The following RIMS1 variants were observed in gnomAD, a reference collection of about 807,000 sequenced individuals.
The protein encoded by RIMS1 is regulating synaptic membrane exocytosis protein 1.
Under a neutral mutation model 214.1 loss-of-function variants are expected in RIMS1, and 83 were observed. The ratio of observed to expected loss-of-function variants is 0.39; its 90% CI spans 0.32 to 0.47. The LOEUF (loss-of-function observed/expected upper bound fraction) is 0.47. Among genes scored for constraint, RIMS1 ranks in the 20% least tolerant of loss-of-function variants. The probability of loss-of-function intolerance (pLI) is 0.99; values close to 1 mark genes in which losing one functional copy is unlikely to be tolerated. For missense variants in RIMS1, 2,050 were observed against 2,161.8 expected, an observed-to-expected ratio of 0.95 and a Z score of 1.03; for synonymous variants, 793 against 786.8, an observed-to-expected ratio of 1.01 and a Z score of -0.13.
At chr6:72,110,483 T>C (rs548468166) in intron 4 of RIMS1, among the ~76,000 whole-genome samples, 23 of 150,152 alleles carry the variant, frequency 1.5e-4, no homozygotes, top group Admixed American at 1.0e-3. Flanking sequence ...GGGAGTTCAC[T>C]CATGATTTGG....
intron 23 of RIMS1, among the ~76,000 whole-genome samples, chr6:72,279,545 A>G (rs2088898087): frequency 6.6e-6 from 1 of 152,062 alleles, no homozygotes; most frequent in Non-Finnish European, 1.5e-5. Flanking sequence ...AACCAAGTAA[A>G]TATTCTTTAT....
At chr6:72,075,621 A>C (rs1437501403) in intron 2 of RIMS1, among the ~76,000 whole-genome samples, 1 of 152,224 alleles carries the variant, frequency 6.6e-6, no homozygotes, top group East Asian at 1.9e-4. Context: ...GAAGTTAAAA[A>C]AAATTATTTA....
chr6:72,210,730 G>C (rs887012263), intron 6 of RIMS1, among the ~76,000 whole-genome samples: 1 of 152,162 alleles, frequency 6.6e-6, no homozygotes, highest in African/African-American at 2.4e-5. Context: ...CCACTGACTT[G>C]ATATGTCATT....
chr6:71,909,032 C>T (rs1776127859), intron 1 of RIMS1, among the ~76,000 whole-genome samples: 1 of 152,146 alleles, frequency 6.6e-6, no homozygotes, highest in African/African-American at 2.4e-5. Flanking sequence ...CTTTGTTGCT[C>T]AGGCTGGAGT....
intron 1 of RIMS1, among the ~76,000 whole-genome samples, chr6:71,944,408 G>A (rs1787139781): frequency 6.6e-6 from 1 of 152,168 alleles, no homozygotes. Context: ...GGGAGTGGAG[G>A]ACAAGCCGGC....
chr6:72,052,994 A>C (rs1825141708), intron 2 of RIMS1, among the ~76,000 whole-genome samples: 2 of 152,154 alleles, frequency 1.3e-5, no homozygotes, highest in African/African-American at 4.8e-5. Flanking sequence ...TAACCCATTT[A>C]CTAGCTGGAG....
At chr6:72,176,483 C>A (rs2047726895) in intron 4 of RIMS1, among the ~76,000 whole-genome samples, 1 of 151,922 alleles carries the variant, frequency 6.6e-6, no homozygotes, top group African/African-American at 2.4e-5. Context: ...CTTATATGAG[C>A]AATTTATTTT....
chr6:71,969,088 A>T, intron 2 of RIMS1, 25 bp downstream of exon 2: 1 of 1,604,852 alleles, frequency 6.2e-7, no homozygotes, highest in Non-Finnish European at 8.5e-7. Flanking sequence ...GGTTTTATTG[A>T]CTGAAAATGT....
intron 29 of RIMS1, among the ~76,000 whole-genome samples, chr6:72,372,706 A>C (rs1237619417): frequency 6.6e-6 from 1 of 152,230 alleles, no homozygotes; most frequent in Non-Finnish European, 1.5e-5. Flanking sequence ...GGAAAGAACT[A>C]AAAGTGGTTT....
chr6:72,148,007 A>G (rs954074507), intron 4 of RIMS1, among the ~76,000 whole-genome samples: 1 of 152,202 alleles, frequency 6.6e-6, no homozygotes. Flanking sequence ...TGATGGGGAA[A>G]CAGACAAAGA....
chr6:72,120,171 T>G (rs974211094), intron 4 of RIMS1, among the ~76,000 whole-genome samples: 2 of 151,886 alleles, frequency 1.3e-5, no homozygotes, highest in African/African-American at 2.4e-5. Flanking sequence ...ATATACCCAG[T>G]AATGGGATGG....
chr6:72,146,204 A>G (rs1478222472), intron 4 of RIMS1, among the ~76,000 whole-genome samples: 3 of 152,190 alleles, frequency 2.0e-5, no homozygotes, highest in Admixed American at 1.3e-4. Context: ...GGAAACTGGC[A>G]TTGTCTCAAA....
chr6:72,150,474 T>A (rs936434025), intron 4 of RIMS1, among the ~76,000 whole-genome samples: 1 of 152,162 alleles, frequency 6.6e-6, no homozygotes, highest in African/African-American at 2.4e-5. Context: ...TATCAGGACA[T>A]AAGATATTGA....
rs747385204 is a variant in RIMS1 at position 72,307,380 on chromosome 6, G to A, written c.3963+10G>A. The A allele has an allele frequency of 1.3e-6, 2 of 1,518,524 alleles. No individual in the cohort carries two copies. The highest frequency in any genetic ancestry group is 2.7e-5 in the African/African-American group (2 of 72,980). 94.1% of individuals were successfully genotyped at this position (1,518,524 alleles called of 1,614,324 possible). A position where few individuals can be genotyped will look rare whatever the true frequency, so the allele number is the denominator to read the frequency against. ...CGAGCAATATTCCAAGGTAAAATTA[G>A]TAGTATCCAACAAATAGTTTCCCTT... On this transcript the variant is annotated intron_variant, in intron 27 of 33. Coordinates refer to ENST00000521978, the MANE Select transcript of RIMS1 (RefSeq NM_014989.7).
intron 2 of RIMS1, among the ~76,000 whole-genome samples, chr6:71,979,738 C>T (rs187438836): frequency 6.6e-6 from 1 of 152,112 alleles, no homozygotes; most frequent in African/African-American, 2.4e-5. Context: ...TATTCCATGA[C>T]ATACTACCCC....
intron 2 of RIMS1, among the ~76,000 whole-genome samples, chr6:71,998,366 C>T (rs1388688415): frequency 6.6e-6 from 1 of 152,090 alleles, no homozygotes. Flanking sequence ...TCTAGAGCAG[C>T]GCTAGAGCAG....
intron 19 of RIMS1, chr6:72,261,797 T>C (rs2078141639): frequency 2.0e-6 from 2 of 985,288 alleles, no homozygotes; most frequent in Non-Finnish European, 2.4e-6. Context: ...TCTGAAGTTA[T>C]ACTACTCATA....
At chr6:72,370,339 C>A (rs889286240) in intron 29 of RIMS1, among the ~76,000 whole-genome samples, 1 of 152,158 alleles carries the variant, frequency 6.6e-6, no homozygotes, top group Non-Finnish European at 1.5e-5. Context: ...ATTAGAGGTA[C>A]AACTGTTATG....
chr6:71,943,548 A>G (rs1786856049), intron 1 of RIMS1, among the ~76,000 whole-genome samples: 1 of 152,180 alleles, frequency 6.6e-6, no homozygotes, highest in Non-Finnish European at 1.5e-5. Flanking sequence ...TAAATTTAGC[A>G]CTGCTTTAAT....
Sources: gnomAD v4.1 joint callset for allele counts (sites outside exome capture counted in the v4.1 genomes callset) on GRCh38, gnomAD v4.1.1 for gene constraint, MANE v1.5 for transcripts, NCBI Gene and HGNC (gene_info 2026-07-23, HGNC 2026-07-21) for gene names.